NOX4: variants seen among roughly 807,000 people sequenced by gnomAD.
NOX4 encodes NADPH oxidase 4, also known as kidney oxidase-1.
A neutral mutation model predicts 87.6 loss-of-function variants in NOX4; 69 were observed. The observed-to-expected ratio is 0.79, with a 90% CI of 0.65 to 0.96. The LOEUF is 0.96. NOX4 is among the 40% of genes least tolerant of loss of function. The pLI is 0.00. For missense variants in NOX4, 680 were observed against 681.5 expected, an observed-to-expected ratio of 1.00 and a Z score of 0.02; for synonymous variants, 275 against 238.2, an observed-to-expected ratio of 1.15 and a Z score of -1.42.
At chr11:89,461,171 G>A (rs1945445013) in intron 2 of NOX4, among the ~76,000 whole-genome samples, 1 of 152,006 alleles carries the variant, frequency 6.6e-6, no homozygotes, top group African/African-American at 2.4e-5. Flanking sequence ...GGTGGGGGGA[G>A]CCGGGAGGGA....
intron 7 of NOX4, among the ~76,000 whole-genome samples, chr11:89,425,310 G>T (rs532174475): frequency 4.7e-5 from 7 of 150,478 alleles, no homozygotes; most frequent in Admixed American, 1.3e-4. Flanking sequence ...CTTACAATTT[G>T]ACTCAGCTAT....
intron 11 of NOX4, among the ~76,000 whole-genome samples, chr11:89,385,381 A>T (rs1337407790): frequency 1.3e-5 from 2 of 152,170 alleles, no homozygotes; most frequent in African/African-American, 4.8e-5. Flanking sequence ...AGCAGCTAGC[A>T]TTCCAACTTC....
At chr11:89,572,521 ATGTTTTTT>A in the NOX4 span, among the ~76,000 whole-genome samples, 1 of 150,846 alleles carries the variant, frequency 6.6e-6, no homozygotes, top group Admixed American at 6.6e-5. Context: ...GCAGAATTAT[ATGTTTTTT>A]TGTTTGTTTG....
chr11:89,527,955 G>T, the NOX4 span, among the ~76,000 whole-genome samples: 4 of 148,718 alleles, frequency 2.7e-5, no homozygotes, highest in South Asian at 2.2e-4. Flanking sequence ...TGGAAAAGCT[G>T]CAGGCACTCA....
chr11:89,440,838 G>A (rs1944425205), intron 5 of NOX4, 123 bp from the exon 6 acceptor site: 3 of 500,660 alleles, frequency 6.0e-6, no homozygotes, highest in Non-Finnish European at 7.0e-6. Context: ...TCATCCAACG[G>A]AAGTGAGAAA....
the NOX4 span, among the ~76,000 whole-genome samples, chr11:89,553,960 C>T: frequency 9.3e-5 from 14 of 151,086 alleles, no homozygotes; most frequent in African/African-American, 2.9e-4. Context: ...TATCCGCTCA[C>T]GGAAACTGGC....
At chr11:89,329,487 A>T (rs994261108) in intron 17 of NOX4, among the ~76,000 whole-genome samples, 4 of 151,462 alleles carry the variant, frequency 2.6e-5, no homozygotes, top group South Asian at 4.2e-4. Context: ...AGAAAAAAAA[A>T]AAATAAAAGA....
At chr11:89,511,641 T>TA in the NOX4 span, among the ~76,000 whole-genome samples, 1 of 152,040 alleles carries the variant, frequency 6.6e-6, no homozygotes, top group Admixed American at 6.6e-5. Flanking sequence ...TTTCCTCTTT[T>TA]AAATAATATC....
chr11:89,396,470 T>C (rs1941492606), intron 11 of NOX4, among the ~76,000 whole-genome samples: 2 of 152,092 alleles, frequency 1.3e-5, no homozygotes, highest in African/African-American at 4.8e-5. Flanking sequence ...TTTGACTTCC[T>C]CTTTTCCTAA....
chr11:89,486,614 GTA>G lies in NOX4; in HGVS notation c.153+3842_153+3843del, dbSNP rs1465595762. On this transcript the variant is annotated intron_variant, in intron 2 of 17. Coordinates refer to ENST00000263317, the MANE Select transcript of NOX4 (RefSeq NM_016931.5). The stretch of plus-strand genomic sequence containing the variant: ...TGTGTATATATACATATATATGTGT[GTA>G]TATATGTGTATATATACATATATAT... Among the ~76,000 whole-genome samples, 32 of 128,114 alleles carry G rather than the reference GTA, an allele frequency of 2.5e-4. 1 individual carries two copies. Among genetic ancestry groups the G allele is most frequent in the African/African-American group, 1.0e-3 (32 of 32,004 alleles). The allele number at this position is 128,114 out of a possible 152,430, so 84.0% of individuals were successfully genotyped here.
intron 2 of NOX4, among the ~76,000 whole-genome samples, chr11:89,484,377 C>T (rs1032186550): frequency 2.0e-5 from 3 of 152,080 alleles, no homozygotes; most frequent in Non-Finnish European, 4.4e-5. Flanking sequence ...AACTATAATA[C>T]TAAAAATATA....
the NOX4 span, among the ~76,000 whole-genome samples, chr11:89,506,252 A>T: frequency 1.1e-4 from 17 of 150,094 alleles, no homozygotes; most frequent in Non-Finnish European, 2.2e-4. Context: ...AGAGAGAAAG[A>T]AAAAAAGAAA....
intron 2 of NOX4, among the ~76,000 whole-genome samples, chr11:89,479,931 G>A (rs925594973): frequency 6.6e-6 from 1 of 152,020 alleles, no homozygotes; most frequent in Admixed American, 6.6e-5. Flanking sequence ...GGCATATGTG[G>A]GGGATTGGTT....
intron 3 of NOX4, among the ~76,000 whole-genome samples, 170 bp from the exon 4 acceptor site, chr11:89,449,694 T>C (rs1406654948): frequency 6.6e-6 from 1 of 152,074 alleles, no homozygotes; most frequent in African/African-American, 2.4e-5. Flanking sequence ...ACCTAAACCA[T>C]TAAAAAATAT....
At position 89,325,112 on chromosome 11, in the gene NOX4, A is replaced by ATTTTTTTTTTTT. The variant is rs1590923384; in HGVS notation, c.*1643_*1644insAAAAAAAAAAAA. The ATTTTTTTTTTTT allele has an allele frequency of 5.6e-5, 4 of 71,242 alleles. No individual in the cohort carries two copies. Among genetic ancestry groups the ATTTTTTTTTTTT allele is most frequent in the East Asian group, 3.2e-4 (1 of 3,122 alleles). The allele number at this position is 71,242 out of a possible 1,614,324, so 4.4% of individuals were successfully genotyped here. On this transcript the variant is annotated 3_prime_UTR_variant, in exon 18 of 18. Coordinates refer to ENST00000263317, the MANE Select transcript of NOX4 (RefSeq NM_016931.5). Reference sequence around the variant, plus strand: ...ATCACTAAACTGTATGAATGCTTTAATTCTTTTTTTTTTTTTTTTTTTTTT... The same window carrying ATTTTTTTTTTTT: ...ATCACTAAACTGTATGAATGCTTTAATTTTTTTTTTTTTTCTTTTTTTTTTTTTTTTTTTTTT...
At chr11:89,500,579 A>G (rs942762538), upstream of NOX4, among the ~76,000 whole-genome samples, 8 of 152,142 alleles carry the variant, frequency 5.3e-5, no homozygotes, top group Admixed American at 1.3e-4. Flanking sequence ...GTTTCTACAA[A>G]TGAGATGTGA....
chr11:89,437,133 C>A (rs1480259270), intron 6 of NOX4, among the ~76,000 whole-genome samples: 2 of 151,918 alleles, frequency 1.3e-5, no homozygotes, highest in Admixed American at 1.3e-4. Flanking sequence ...GAGGCTGAGG[C>A]AAGCAGATCA....
chr11:89,384,340 G>A (rs1436704921), intron 11 of NOX4, among the ~76,000 whole-genome samples: 16 of 152,040 alleles, frequency 1.1e-4, no homozygotes, highest in Admixed American at 1.0e-3. Flanking sequence ...CAAATTACCT[G>A]GGCTGTACTG....
upstream of NOX4, among the ~76,000 whole-genome samples, chr11:89,498,517 A>T (rs542838817): frequency 3.3e-5 from 5 of 152,200 alleles, no homozygotes; most frequent in African/African-American, 1.2e-4. Flanking sequence ...TCCCGTTTAT[A>T]TTAAAAATTC....
Sources: allele counts gnomAD v4.1 joint callset (sites outside exome capture counted in the v4.1 genomes callset), GRCh38; gene constraint gnomAD v4.1.1; transcripts MANE v1.5; gene names NCBI Gene and HGNC (gene_info 2026-07-23, HGNC 2026-07-21).